The following ANOS1 variants were observed in gnomAD, a reference collection of about 807,000 sequenced individuals.
The protein encoded by ANOS1 is anosmin-1.
A neutral mutation model predicts 59.0 loss-of-function variants in ANOS1; 6 were observed. The ratio of observed to expected loss-of-function variants is 0.10; its 90% CI spans 0.06 to 0.20. The LOEUF (loss-of-function observed/expected upper bound fraction) is 0.20, where lower values mean the gene tolerates loss of function less well. Ranked by LOEUF, ANOS1 falls within the 10% of genes least tolerant of loss-of-function variation. The pLI, the probability that ANOS1 is intolerant of heterozygous loss-of-function variation, is 1.00. For synonymous variants in ANOS1, 217 were observed against 223.4 expected (o/e 0.97, Z 0.25); for missense variants, 433 against 542.3 (o/e 0.80, Z 2.00).
At chrX:8,577,238 T>C (rs12014913) in intron 6 of ANOS1, among the ~76,000 whole-genome samples, 135 of 111,912 alleles carry the variant, frequency 1.2e-3, no homozygotes, top group Middle Eastern at 4.6e-3. Context: ...ACATTATTGT[T>C]CTTATTTTAG....
chrX:8,697,480 G>A (rs1932700549), intron 2 of ANOS1, among the ~76,000 whole-genome samples: 1 of 111,158 alleles, frequency 9.0e-6, no homozygotes, highest in Non-Finnish European at 1.9e-5. Context: ...GAGACCCATC[G>A]GGTTGCTCTT....
intron 6 of ANOS1, among the ~76,000 whole-genome samples, chrX:8,582,973 G>A: frequency 8.9e-6 from 1 of 111,859 alleles, no homozygotes; most frequent in East Asian, 2.8e-4. Flanking sequence ...GCCACAAACT[G>A]CTGCAAGAGC....
At chrX:8,707,280 G>C (rs968909410) in intron 1 of ANOS1, among the ~76,000 whole-genome samples, 1 of 111,695 alleles carries the variant, frequency 9.0e-6, no homozygotes, top group Admixed American at 9.6e-5. Context: ...TGGAGTAGGA[G>C]GTCATACAAA....
chrX:8,536,795 G>A lies in ANOS1; in HGVS notation c.1597C>T (p.Pro533Ser). The A allele has an allele frequency of 2.5e-6, 3 of 1,208,785 alleles. No individual in the cohort carries two copies. Among genetic ancestry groups the A allele is most frequent in the Non-Finnish European group, 3.4e-6 (3 of 893,440 alleles). ...CSALKGKSHK[P>S]VGCLGEAGHV... ...CCTGCTTCGCCCAGGCAGCCAACAG[G>A]CTTGTGGCTCTTCCCCTTAAGAGCA... The change falls in exon 11 of 14, where the codon CCT becomes TCT. Residue 533 changes from proline to serine, a missense_variant. Transcript: ENST00000262648.
intron 9 of ANOS1, among the ~76,000 whole-genome samples, chrX:8,540,753 G>A (rs772661371): frequency 1.1e-3 from 120 of 108,641 alleles, no homozygotes; most frequent in Non-Finnish European, 1.9e-3. Flanking sequence ...TGGGAACTTC[G>A]CTTTGAGCAC....
chrX:8,629,248 GA>G (rs1306844738), intron 2 of ANOS1, among the ~76,000 whole-genome samples: 3 of 108,944 alleles, frequency 2.8e-5, no homozygotes, highest in Non-Finnish European at 5.7e-5. Flanking sequence ...TCTCAAAAAA[GA>G]AAAAAAAATT....
At chrX:8,675,808 G>C (rs1203325145) in intron 2 of ANOS1, among the ~76,000 whole-genome samples, 1 of 109,060 alleles carries the variant, frequency 9.2e-6, no homozygotes, top group Non-Finnish European at 1.9e-5. Flanking sequence ...CCATCACCTA[G>C]GTATTAAGCC....
chrX:8,698,193 C>A (rs1183800689), intron 2 of ANOS1, among the ~76,000 whole-genome samples: 1 of 112,231 alleles, frequency 8.9e-6, no homozygotes, highest in African/African-American at 3.2e-5. Context: ...GGATTGCTTT[C>A]TTTCCTTGTG....
chrX:8,724,606 C>T (rs1385328606), intron 1 of ANOS1, among the ~76,000 whole-genome samples: 1 of 112,312 alleles, frequency 8.9e-6, no homozygotes, highest in Non-Finnish European at 1.9e-5. Flanking sequence ...TGGTGCCCAT[C>T]GGCCAAAGGT....
rs1034163568 is a variant in ANOS1, at chrX:8,600,290, T to C, written c.319-3034A>G. On this transcript the variant is annotated intron_variant, in intron 3 of 13. Transcript: ENST00000262648. ...AATCTTTCTGATATTGTAAATTTAG[T>C]GGATGACAAAGCATTAGTACTTCAT... is the stretch of plus-strand genomic sequence containing the variant. 4.4e-5 allele frequency among the ~76,000 whole-genome samples: 5 copies of C among 112,420 alleles called. No individual in the cohort carries two copies. In the East Asian group the frequency reaches 1.4e-3, roughly 31 times the overall value.
intron 1 of ANOS1, among the ~76,000 whole-genome samples, chrX:8,705,725 C>T (rs948195264): frequency 8.9e-6 from 1 of 112,369 alleles, no homozygotes; most frequent in Non-Finnish European, 1.9e-5. Context: ...ATTACAATAG[C>T]CTTCACCAGT....
chrX:8,545,636 G>T (rs990332654), intron 9 of ANOS1, among the ~76,000 whole-genome samples: 1 of 111,871 alleles, frequency 8.9e-6, no homozygotes, highest in Non-Finnish European at 1.9e-5. Context: ...ATTAAGTAAA[G>T]AAAGCTAATA....
chrX:8,708,134 G>A (rs1932790184), intron 1 of ANOS1, among the ~76,000 whole-genome samples: 1 of 112,382 alleles, frequency 8.9e-6, no homozygotes, highest in African/African-American at 3.2e-5. Context: ...TGTGGCAGGA[G>A]AATTGCTTGA....
intron 3 of ANOS1, among the ~76,000 whole-genome samples, chrX:8,616,310 C>G (rs767937182): frequency 1.7e-4 from 19 of 111,769 alleles, no homozygotes; most frequent in Non-Finnish European, 3.0e-4. Context: ...ACCACACTCC[C>G]CTGTGTTTTC....
At chrX:8,536,208 TTTTTTTTTA>T (rs1217853750) in intron 11 of ANOS1, among the ~76,000 whole-genome samples, 19 of 77,790 alleles carry the variant, frequency 2.4e-4, no homozygotes, top group South Asian at 6.3e-4. Flanking sequence ...TTTTTTTTTT[TTTTTTTTTA>T]AAAGGTGAGA....
chrX:8,720,071 CCTAA>C (rs1342651331), intron 1 of ANOS1, among the ~76,000 whole-genome samples: 2 of 111,532 alleles, frequency 1.8e-5, no homozygotes, highest in Non-Finnish European at 3.8e-5. Flanking sequence ...TTCCTCATTG[CCTAA>C]CTTTTATATT....
At chrX:8,688,858 G>C (rs1932562223) in intron 2 of ANOS1, among the ~76,000 whole-genome samples, 1 of 111,900 alleles carries the variant, frequency 8.9e-6, no homozygotes, top group South Asian at 3.7e-4. Flanking sequence ...GCTACCACAG[G>C]CTAATGATCA....
chrX:8,560,257 C>G (rs1930012144), intron 8 of ANOS1, among the ~76,000 whole-genome samples: 1 of 111,475 alleles, frequency 9.0e-6, no homozygotes, highest in Non-Finnish European at 1.9e-5. Context: ...GTACATGCCA[C>G]TAAACCTCAC....
intron 1 of ANOS1, among the ~76,000 whole-genome samples, chrX:8,726,338 A>G (rs760715499): frequency 3.6e-5 from 4 of 111,517 alleles, no homozygotes; most frequent in Non-Finnish European, 7.5e-5. Context: ...AAGGGAGCCT[A>G]TCGGTGGTAC....
Sources: allele counts gnomAD v4.1 joint callset (sites outside exome capture counted in the v4.1 genomes callset), GRCh38; gene constraint gnomAD v4.1.1; transcripts MANE v1.5; gene names NCBI Gene and HGNC (gene_info 2026-07-23, HGNC 2026-07-21).